POU3F3: variants seen among roughly 807,000 people sequenced by gnomAD.
The protein encoded by POU3F3 is POU domain, class 3, transcription factor 3.
POU3F3 carries 1 observed loss-of-function variant against 8.6 expected under a neutral mutation model. The ratio of observed to expected loss-of-function variants is 0.12; its 90% CI spans 0.04 to 0.55. The LOEUF (loss-of-function observed/expected upper bound fraction) is 0.55, where lower values mean the gene tolerates loss of function less well. Among genes scored for constraint, POU3F3 ranks in the 20% least tolerant of loss-of-function variants. POU3F3 has a pLI of 0.91. For missense variants in POU3F3, 577 were observed against 690.7 expected, an observed-to-expected ratio of 0.84 and a Z score of 1.84; for synonymous variants, 418 against 327.4, an observed-to-expected ratio of 1.28 and a Z score of -2.99.
downstream of POU3F3, among the ~76,000 whole-genome samples, chr2:104,863,159 AATT>A (rs3056838): frequency 0.38 from 51,083 of 134,452 alleles, 9,766 homozygotes; most frequent in Non-Finnish European, 0.42. Context: ...TCATAATAAC[AATT>A]ATTATTATTA....
the POU3F3 span, among the ~76,000 whole-genome samples, chr2:104,889,137 C>T: frequency 9.9e-5 from 15 of 152,196 alleles, no homozygotes; most frequent in Middle Eastern, 3.4e-3. Context: ...TTCCGTGATG[C>T]GATTTAATCT....
chr2:104,887,180 A>C, the POU3F3 span, among the ~76,000 whole-genome samples: 4 of 152,020 alleles, frequency 2.6e-5, no homozygotes, highest in Non-Finnish European at 4.4e-5. Context: ...TCTCATCACC[A>C]TCTTGGTTTT....
chr2:104,917,679 G>A, the POU3F3 span, among the ~76,000 whole-genome samples: 1 of 152,152 alleles, frequency 6.6e-6, no homozygotes, highest in Non-Finnish European at 1.5e-5. Flanking sequence ...CTATCCACTT[G>A]GTTTCAGGTA....
chr2:104,893,751 C>A, the POU3F3 span, among the ~76,000 whole-genome samples: 1 of 152,118 alleles, frequency 6.6e-6, no homozygotes, highest in South Asian at 2.1e-4. Flanking sequence ...GGCATGGTGG[C>A]AGGTGCCTGT....
At chr2:104,874,817 TA>T in the POU3F3 span, among the ~76,000 whole-genome samples, 7 of 152,236 alleles carry the variant, frequency 4.6e-5, no homozygotes, top group Non-Finnish European at 8.8e-5. Flanking sequence ...AACACTTTTT[TA>T]TAGTAGTAAA....
the POU3F3 span, among the ~76,000 whole-genome samples, chr2:104,914,660 G>C: frequency 3.9e-5 from 6 of 152,304 alleles, no homozygotes; most frequent in South Asian, 1.0e-3. Flanking sequence ...TGGAAGACTG[G>C]CTGACTCAGA....
At chr2:104,866,647 T>A in the POU3F3 span, 2 of 152,170 alleles carry the variant, frequency 1.3e-5, no homozygotes, top group Non-Finnish European at 1.5e-5. Context: ...CTCACTTGAT[T>A]TTCTCCAAAT....
In POU3F3 at chr2:104,854,481, A is replaced by G. The variant is rs1676507479; in HGVS notation, c.-1030A>G. Among the ~76,000 whole-genome samples the G allele has an allele frequency of 6.6e-6, 1 of 152,256 alleles. No homozygotes were observed. Among genetic ancestry groups the G allele is most frequent in the Non-Finnish European group, 1.5e-5 (1 of 68,048 alleles). On this transcript the variant is annotated 5_prime_UTR_variant, in exon 1 of 1. Transcript: ENST00000361360. This position sits in a 1 kb window ranked among gnomAD's most constrained non-coding sequence, Gnocchi z 4.5. ...AAAACACCAACCCCAACCGTCAGCA[A>G]CAAGGTAACAGAGCGATTCGACATC...
the POU3F3 span, among the ~76,000 whole-genome samples, chr2:104,885,430 C>T: frequency 6.6e-6 from 1 of 152,194 alleles, no homozygotes; most frequent in South Asian, 2.1e-4. Flanking sequence ...AGGTACAAGT[C>T]ACAAAGACCT....
At position 104,855,927 on chromosome 2, in the gene POU3F3, GCCGCCGCCA is replaced by G. The variant is rs774254585; in HGVS notation, c.425_433del (p.Pro142_Pro144del). On this transcript the variant is annotated inframe_deletion, in exon 1 of 1. Coordinates refer to ENST00000361360, the MANE Select transcript of POU3F3 (RefSeq NM_006236.3). ...GCAGCCCCCAGCAGCCACCGCAGCC[GCCGCCGCCA>G]CCGCCGCAGGGCCCCGACGTGAAGG... The G allele has an allele frequency of 4.7e-6, 5 of 1,062,192 alleles. No individual in the cohort carries two copies. In the South Asian group the frequency reaches 1.1e-4, roughly 24 times the overall value. 65.8% of individuals were successfully genotyped at this position (1,062,192 alleles called of 1,614,324 possible).
chr2:104,882,300 G>T, the POU3F3 span, among the ~76,000 whole-genome samples: 21 of 147,324 alleles, frequency 1.4e-4, no homozygotes, highest in African/African-American at 4.6e-4. Flanking sequence ...AGGCTGGAGT[G>T]CAGTGGTGTG....
the POU3F3 span, among the ~76,000 whole-genome samples, chr2:104,908,340 C>G: frequency 3.3e-5 from 5 of 152,054 alleles, no homozygotes; most frequent in Non-Finnish European, 5.9e-5. Flanking sequence ...GAAAAGAAAC[C>G]AAGATTCAGA....
At chr2:104,914,818 G>A in the POU3F3 span, among the ~76,000 whole-genome samples, 9 of 152,218 alleles carry the variant, frequency 5.9e-5, no homozygotes, top group Non-Finnish European at 1.2e-4. Flanking sequence ...ATCTGACCCG[G>A]ACAGTAGGTT....
At chr2:104,862,455 C>G (rs574117293), downstream of POU3F3, among the ~76,000 whole-genome samples, 59 of 152,270 alleles carry the variant, frequency 3.9e-4, no homozygotes, top group African/African-American at 1.4e-3. Flanking sequence ...AGGTGTAAGG[C>G]CTGCCTCCGG....
chr2:104,926,031 A>G, the POU3F3 span: 1 of 152,068 alleles, frequency 6.6e-6, no homozygotes, highest in African/African-American at 2.4e-5. Flanking sequence ...GATTGTCCTC[A>G]CCATAGGCAT....
At chr2:104,868,992 A>G in the POU3F3 span, among the ~76,000 whole-genome samples, 149 of 152,266 alleles carry the variant, frequency 9.8e-4, no homozygotes, top group African/African-American at 3.3e-3. Context: ...CCCTCCAAAA[A>G]TGCAATCTTA....
the POU3F3 span, among the ~76,000 whole-genome samples, chr2:104,916,046 A>C: frequency 5.3e-5 from 8 of 152,304 alleles, no homozygotes; most frequent in Non-Finnish European, 2.9e-5. Flanking sequence ...CGGTGCCCTC[A>C]GATCATTTCT....
downstream of POU3F3, among the ~76,000 whole-genome samples, chr2:104,862,164 G>A (rs1012384947): frequency 6.6e-6 from 1 of 152,236 alleles, no homozygotes; most frequent in African/African-American, 2.4e-5. Flanking sequence ...TTGGCGAGCA[G>A]GAGCCTATGA....
chr2:104,925,554 G>C, the POU3F3 span, among the ~76,000 whole-genome samples: 2 of 152,100 alleles, frequency 1.3e-5, no homozygotes, highest in Non-Finnish European at 2.9e-5. Context: ...TGCAGAACTG[G>C]GTGCTACAAC....
Sources: gnomAD v4.1 joint callset for allele counts (sites outside exome capture counted in the v4.1 genomes callset) on GRCh38, gnomAD v4.1.1 for gene constraint, Gnocchi (gnomAD v3.1) non-coding constraint, MANE v1.5 for transcripts, NCBI Gene and HGNC (gene_info 2026-07-23, HGNC 2026-07-21) for gene names.